Variants in NTM observed in about 807,000 individuals in gnomAD.
NTM encodes the protein IgLON family member 2.
A neutral mutation model predicts 42.1 loss-of-function variants in NTM; 13 were observed. The observed-to-expected ratio is 0.31, with a 90% CI of 0.20 to 0.49. The LOEUF is 0.49. NTM is among the 20% of genes least tolerant of loss of function. The pLI, the probability that NTM is intolerant of heterozygous loss-of-function variation, is 0.99. For missense variants in NTM, 373 were observed against 452.8 expected (o/e 0.82, Z 1.60); for synonymous variants, 187 against 179.2 (o/e 1.04, Z -0.35).
intron 1 of NTM, among the ~76,000 whole-genome samples, chr11:131,766,251 G>A (rs1330214836): frequency 6.6e-6 from 1 of 152,184 alleles, no homozygotes; most frequent in Non-Finnish European, 1.5e-5. Flanking sequence ...AAGCAAAGCA[G>A]GTTGCATTTT....
intron 4 of NTM, among the ~76,000 whole-genome samples, chr11:132,274,479 T>A (rs544794447): frequency 6.6e-6 from 1 of 152,292 alleles, no homozygotes; most frequent in South Asian, 2.1e-4. Flanking sequence ...TGAAATAAAT[T>A]CCAGATGACC....
At position 131,391,436 on chromosome 11, in the gene NTM, T is replaced by A. The variant is rs375411823; in HGVS notation, c.82+20548T>A. The stretch of plus-strand genomic sequence containing the variant: ...TACTGAGTACTTTATAAATAGCAAA[T>A]CTAAAATGAATTTTCTACCAGCGAT... On this transcript the variant is annotated intron_variant, in intron 1 of 8. Coordinates refer to ENST00000683400, the MANE Select transcript of NTM (RefSeq NM_001352005.2). Among the ~76,000 whole-genome samples, 17 of 152,160 alleles carry A rather than the reference T, an allele frequency of 1.1e-4. No homozygotes were observed. In the South Asian group the frequency reaches 3.5e-3, roughly 32 times the overall value.
intron 7 of NTM, among the ~76,000 whole-genome samples, chr11:132,318,336 G>A (rs1033290675): frequency 6.6e-6 from 1 of 152,170 alleles, no homozygotes; most frequent in Non-Finnish European, 1.5e-5. Flanking sequence ...TGTTCCAACA[G>A]TCAATGGAGA....
intron 7 of NTM, 149 bp downstream of exon 7, chr11:132,314,852 A>G (rs912419850): frequency 7.2e-7 from 1 of 1,390,832 alleles, no homozygotes; most frequent in Non-Finnish European, 9.3e-7. Context: ...AGACACAGAA[A>G]GAAATGGAGA....
intron 2 of NTM, among the ~76,000 whole-genome samples, chr11:132,105,082 C>A (rs1050394313): frequency 1.3e-5 from 2 of 149,832 alleles, no homozygotes; most frequent in Admixed American, 1.3e-4. Context: ...CCTTCTTTCA[C>A]CGTGAGGAGA....
chr11:131,737,683 C>T (rs1356277935), intron 1 of NTM, among the ~76,000 whole-genome samples: 8 of 152,096 alleles, frequency 5.3e-5, no homozygotes, highest in Admixed American at 1.3e-4. Context: ...TTATGTGCCT[C>T]TGCCTTCTCG....
At chr11:131,895,328 G>T (rs1011642263) in intron 1 of NTM, among the ~76,000 whole-genome samples, 4 of 152,092 alleles carry the variant, frequency 2.6e-5, no homozygotes, top group African/African-American at 9.7e-5. Context: ...CATACAGTGT[G>T]CCTCATCTGA....
chr11:132,321,083 G>A (rs2095557818), intron 7 of NTM, among the ~76,000 whole-genome samples: 1 of 152,002 alleles, frequency 6.6e-6, no homozygotes, highest in Non-Finnish European at 1.5e-5. Context: ...GGAAAAAACA[G>A]AACAGAAAAA....
chr11:132,223,575 G>C (rs949034038), intron 4 of NTM, among the ~76,000 whole-genome samples: 2 of 152,148 alleles, frequency 1.3e-5, no homozygotes, highest in African/African-American at 4.8e-5. Flanking sequence ...GTCTGCACTA[G>C]ACTCTAAGCT....
chr11:131,795,005 C>T lies in NTM; in HGVS notation c.83-116559C>T, dbSNP rs998982184. The stretch of plus-strand genomic sequence containing the variant: ...CAGCCTTGGGCAGGCTACAGAAGTA[C>T]TCAGCCGTGCTCCTTCCTGGACCCT... On this transcript the variant is annotated intron_variant, in intron 1 of 8. Transcript: ENST00000683400. The T allele has an allele frequency of 4.1e-6, 4 of 985,096 alleles. No homozygotes were observed. In the Admixed American group the frequency reaches 2.5e-4, roughly 61 times the overall value. 61.0% of individuals were successfully genotyped at this position (985,096 alleles called of 1,614,324 possible).
chr11:132,167,721 G>C (rs963381978), intron 3 of NTM, among the ~76,000 whole-genome samples: 2 of 152,166 alleles, frequency 1.3e-5, no homozygotes, highest in African/African-American at 4.8e-5. Flanking sequence ...GTCATTCATA[G>C]TTCCAATGAC....
At chr11:131,590,699 A>G (rs1323342391) in intron 1 of NTM, among the ~76,000 whole-genome samples, 5 of 152,246 alleles carry the variant, frequency 3.3e-5, no homozygotes, top group Admixed American at 1.3e-4. Context: ...ATTAAAACTC[A>G]TCTGCATGGC....
chr11:131,962,954 C>A (rs941948094), intron 2 of NTM, among the ~76,000 whole-genome samples: 1 of 152,180 alleles, frequency 6.6e-6, no homozygotes, highest in African/African-American at 2.4e-5. Context: ...CATCCCCCAC[C>A]CATCAGTGTG....
At chr11:131,889,604 C>T (rs1485826199) in intron 1 of NTM, among the ~76,000 whole-genome samples, 1 of 152,162 alleles carries the variant, frequency 6.6e-6, no homozygotes, top group Non-Finnish European at 1.5e-5. Context: ...AGGACTTCCA[C>T]AAGGTTCTAA....
chr11:132,164,500 T>C (rs1268035085), intron 3 of NTM, among the ~76,000 whole-genome samples: 1 of 152,192 alleles, frequency 6.6e-6, no homozygotes, highest in Admixed American at 6.5e-5. Context: ...TTTCTTTATT[T>C]GACTATGAAC....
At chr11:131,552,596 A>G (rs2054841967) in intron 1 of NTM, among the ~76,000 whole-genome samples, 1 of 151,786 alleles carries the variant, frequency 6.6e-6, no homozygotes, top group African/African-American at 2.4e-5. Flanking sequence ...CAGGTGAATC[A>G]TGAGGTCAGG....
intron 2 of NTM, among the ~76,000 whole-genome samples, chr11:132,055,464 A>T (rs894771184): frequency 6.6e-6 from 1 of 152,118 alleles, no homozygotes; most frequent in South Asian, 2.1e-4. Flanking sequence ...GAATAGAAAC[A>T]TGTTTATTAG....
intron 1 of NTM, among the ~76,000 whole-genome samples, chr11:131,640,032 T>C (rs1373458679): frequency 6.6e-6 from 1 of 152,110 alleles, no homozygotes; most frequent in Non-Finnish European, 1.5e-5. Flanking sequence ...ATTTCTCTTC[T>C]GGTTCTATTG....
chr11:131,585,200 T>C (rs574019174), intron 1 of NTM, among the ~76,000 whole-genome samples: 1 of 152,328 alleles, frequency 6.6e-6, no homozygotes, highest in East Asian at 1.9e-4. Flanking sequence ...AATTAGTTAG[T>C]GACTTTCTTT....
Sources: allele counts gnomAD v4.1 joint callset (sites outside exome capture counted in the v4.1 genomes callset), GRCh38; gene constraint gnomAD v4.1.1; transcripts MANE v1.5; gene names NCBI Gene and HGNC (gene_info 2026-07-23, HGNC 2026-07-21).